The following WWOX variants were observed in gnomAD, a reference collection of about 807,000 sequenced individuals.
WWOX encodes the protein WW domain containing oxidoreductase.
A neutral mutation model predicts 46.2 loss-of-function variants in WWOX; 69 were observed. The ratio of observed to expected loss-of-function variants is 1.49; its 90% CI spans 1.23 to 1.82. The LOEUF is 1.82. Among genes scored for constraint, WWOX ranks in the 40% most tolerant of loss-of-function variants. The pLI, the probability that WWOX is intolerant of heterozygous loss-of-function variation, is 0.00. For missense variants in WWOX, 919 were observed against 542.6 expected (o/e 1.69, Z -6.89); for synonymous variants, 359 against 202.6 (o/e 1.77, Z -6.56).
intron 8 of WWOX, among the ~76,000 whole-genome samples, chr16:78,882,567 C>G (rs1209478632): frequency 1.3e-5 from 2 of 151,808 alleles, no homozygotes; most frequent in Admixed American, 1.3e-4. Context: ...CCCTCCTTCT[C>G]CCAGGTTCAA....
chr16:78,191,874 A>G (rs1218983569), intron 5 of WWOX, among the ~76,000 whole-genome samples: 5 of 152,246 alleles, frequency 3.3e-5, no homozygotes, highest in Non-Finnish European at 5.9e-5. Context: ...GATGGATGGA[A>G]TGCCTGTACT....
intron 8 of WWOX, among the ~76,000 whole-genome samples, chr16:78,536,481 T>A (rs1399090458): frequency 2.0e-5 from 3 of 152,054 alleles, no homozygotes; most frequent in African/African-American, 7.2e-5. Flanking sequence ...CTCTCTGCTT[T>A]AGGTCCTCTC....
intron 8 of WWOX, among the ~76,000 whole-genome samples, chr16:79,100,044 A>G (rs1044303531): frequency 1.3e-5 from 2 of 152,182 alleles, no homozygotes; most frequent in East Asian, 3.9e-4. Flanking sequence ...AATCTTCCAA[A>G]TGATTGACTC....
chr16:78,335,272 A>G (rs1241230621), intron 5 of WWOX, among the ~76,000 whole-genome samples: 1 of 152,082 alleles, frequency 6.6e-6, no homozygotes, highest in East Asian at 1.9e-4. Flanking sequence ...GTTGTTGCTG[A>G]TGCTCTTCCC....
intron 8 of WWOX, among the ~76,000 whole-genome samples, chr16:78,950,407 C>G (rs1995547): frequency 0.81 from 123,720 of 151,928 alleles, 51,119 homozygotes; most frequent in Non-Finnish European, 0.89. Flanking sequence ...GAGGAAGGGG[C>G]TTTTTTGCCT....
chr16:78,556,138 C>T (rs1053822860), intron 8 of WWOX, among the ~76,000 whole-genome samples: 8 of 151,754 alleles, frequency 5.3e-5, no homozygotes, highest in Non-Finnish European at 1.2e-4. Context: ...CAGGCTTTTT[C>T]AAAGACGCAA....
chr16:78,790,799 C>G (rs1168130831), intron 8 of WWOX, among the ~76,000 whole-genome samples: 1 of 151,894 alleles, frequency 6.6e-6, no homozygotes, highest in South Asian at 2.1e-4. Context: ...GTGGGAGGAT[C>G]ACTTAAGCCT....
At chr16:79,156,155 G>C (rs1055952486) in intron 8 of WWOX, among the ~76,000 whole-genome samples, 2 of 152,086 alleles carry the variant, frequency 1.3e-5, no homozygotes, top group Non-Finnish European at 2.9e-5. Context: ...TGTAGGTCTA[G>C]CAATTGGAGG....
At chr16:78,222,759 A>G (rs953006729) in intron 5 of WWOX, among the ~76,000 whole-genome samples, 15 of 152,244 alleles carry the variant, frequency 9.9e-5, no homozygotes, top group African/African-American at 2.4e-4. Flanking sequence ...TTAATTGGCC[A>G]TGTCAGTTCA....
intron 8 of WWOX, among the ~76,000 whole-genome samples, chr16:78,696,479 T>TA (rs2048102289): frequency 6.6e-6 from 1 of 152,116 alleles, no homozygotes; most frequent in East Asian, 1.9e-4. Flanking sequence ...TTCGATTTTT[T>TA]TTTTTCACCT....
intron 5 of WWOX, among the ~76,000 whole-genome samples, chr16:78,274,394 T>C (rs1377806657): frequency 2.0e-5 from 3 of 152,194 alleles, no homozygotes; most frequent in African/African-American, 7.2e-5. Context: ...TCATCCTGAT[T>C]CTCCTACTGG....
chr16:79,009,086 A>C (rs1425528065), intron 8 of WWOX, among the ~76,000 whole-genome samples: 1 of 152,208 alleles, frequency 6.6e-6, no homozygotes, highest in African/African-American at 2.4e-5. Context: ...GAGCTGGCAG[A>C]GGGGGCAGAG....
chr16:78,989,553 C>G (rs1007250754), intron 8 of WWOX, among the ~76,000 whole-genome samples: 1 of 152,100 alleles, frequency 6.6e-6, no homozygotes. Context: ...GTTCAGCTCT[C>G]AAAAATGTGA....
chr16:78,244,141 C>A (rs2037744917), intron 5 of WWOX, among the ~76,000 whole-genome samples: 1 of 152,160 alleles, frequency 6.6e-6, no homozygotes, highest in South Asian at 2.1e-4. Flanking sequence ...GGGTAGGTCC[C>A]TTGATACCTC....
intron 8 of WWOX, among the ~76,000 whole-genome samples, chr16:79,187,968 G>A (rs908984273): frequency 7.9e-5 from 12 of 152,194 alleles, no homozygotes; most frequent in Non-Finnish European, 1.2e-4. Flanking sequence ...CTCTTATCTC[G>A]AAATGTCCAC....
intron 8 of WWOX, among the ~76,000 whole-genome samples, chr16:78,600,190 T>G (rs1380019935): frequency 6.6e-6 from 1 of 152,088 alleles, no homozygotes; most frequent in Non-Finnish European, 1.5e-5. Context: ...CCCTCATGAT[T>G]CAGTTACGTT....
intron 6 of WWOX, among the ~76,000 whole-genome samples, chr16:78,419,379 T>G (rs897519567): frequency 6.6e-6 from 1 of 152,014 alleles, no homozygotes; most frequent in Non-Finnish European, 1.5e-5. Context: ...TTTCTCAATT[T>G]CAAAACTTTC....
intron 8 of WWOX, among the ~76,000 whole-genome samples, chr16:78,540,011 C>T (rs976876756): frequency 7.7e-6 from 1 of 130,110 alleles, no homozygotes; most frequent in East Asian, 2.4e-4. Flanking sequence ...CTCTCTCTCT[C>T]TCTCTCTCTC....
At chr16:78,138,779 TC>T (rs1349733275) in intron 4 of WWOX, among the ~76,000 whole-genome samples, 1 of 151,836 alleles carries the variant, frequency 6.6e-6, no homozygotes, top group Non-Finnish European at 1.5e-5. Context: ...TGCGGGAGAG[TC>T]CCAGCGAAGT....
Sources: gnomAD v4.1 joint callset for allele counts (sites outside exome capture counted in the v4.1 genomes callset) on GRCh38, gnomAD v4.1.1 for gene constraint, MANE v1.5 for transcripts, NCBI Gene and HGNC (gene_info 2026-07-23, HGNC 2026-07-21) for gene names.